RBFOX3: variants seen among roughly 807,000 people sequenced by gnomAD.
RBFOX3 encodes the protein RNA binding fox-1 homolog 3, also known as RNA binding protein fox-1 homolog 3.
In RBFOX3, 17 loss-of-function variants were observed where a neutral mutation model predicts 48.7. The observed-to-expected ratio is 0.35, with a 90% CI of 0.24 to 0.52. The LOEUF is 0.52. RBFOX3 is among the 20% of genes least tolerant of loss of function. The probability of loss-of-function intolerance (pLI) is 0.94; values close to 1 mark genes in which losing one functional copy is unlikely to be tolerated. For missense variants in RBFOX3, 382 were observed against 497.5 expected, an observed-to-expected ratio of 0.77 and a Z score of 2.21; for synonymous variants, 212 against 209.5, an observed-to-expected ratio of 1.01 and a Z score of -0.10.
chr17:79,481,948 A>G lies in RBFOX3; in HGVS notation c.-175+506T>C, dbSNP rs1191463585. Among the ~76,000 whole-genome samples the G allele has an allele frequency of 2.0e-5, 3 of 151,644 alleles. No individual in the cohort carries two copies. The highest frequency in any genetic ancestry group is 7.3e-5 in the African/African-American group (3 of 41,224). On this transcript the variant is annotated intron_variant, in intron 2 of 14. Transcript: ENST00000693108. The surrounding 1 kb of genome is among the most constrained non-coding windows in gnomAD (Gnocchi z 5.4). Reference sequence around the variant, plus strand: ...CCAAACCCTGTGGAGTCTGACGCTGACTCCGGCGGTTAGTGTCAGAGCTGA... The same window carrying G: ...CCAAACCCTGTGGAGTCTGACGCTGGCTCCGGCGGTTAGTGTCAGAGCTGA...
At position 79,304,564 on chromosome 17, in the gene RBFOX3, G is replaced by C. The variant is rs1357089676; in HGVS notation, c.-74+3160C>G. Among the ~76,000 whole-genome samples, 5 of 151,482 alleles carry C rather than the reference G, an allele frequency of 3.3e-5. No individual in the cohort carries two copies. In the South Asian group the frequency reaches 6.2e-4, roughly 19 times the overall value. ...ACACACGCACTGAGGTGTGAGCTGT[G>C]GTTATTTCTGGCAGATTGTTACTTC... is the stretch of plus-strand genomic sequence containing the variant. On this transcript the variant is annotated intron_variant, in intron 3 of 14. Coordinates refer to ENST00000693108, the MANE Select transcript of RBFOX3 (RefSeq NM_001350451.2).
intron 2 of RBFOX3, among the ~76,000 whole-genome samples, chr17:79,394,344 T>C (rs1290159396): frequency 6.6e-6 from 1 of 152,172 alleles, no homozygotes; most frequent in Non-Finnish European, 1.5e-5. Flanking sequence ...AGAGTGACCC[T>C]GAGGCCAGAG....
intron 2 of RBFOX3, among the ~76,000 whole-genome samples, chr17:79,395,358 G>A (rs367758365): frequency 7.2e-5 from 11 of 152,204 alleles, no homozygotes; most frequent in Non-Finnish European, 1.5e-5. Context: ...GCCAACCACC[G>A]CTCAGTGCCG....
chr17:79,263,011 G>A (rs1016675818), intron 3 of RBFOX3, among the ~76,000 whole-genome samples: 4 of 152,200 alleles, frequency 2.6e-5, no homozygotes, highest in Non-Finnish European at 5.9e-5. Flanking sequence ...CCTCCCCCGG[G>A]AGAACTTGCT....
intron 1 of RBFOX3, among the ~76,000 whole-genome samples, chr17:79,536,302 C>T (rs1430173587): frequency 2.8e-4 from 43 of 152,186 alleles, no homozygotes; most frequent in Admixed American, 6.5e-5. Flanking sequence ...GAACTTTTGA[C>T]CTCAAATGAT....
At chr17:79,556,529 G>A (rs891735063) in intron 1 of RBFOX3, among the ~76,000 whole-genome samples, 14 of 152,314 alleles carry the variant, frequency 9.2e-5, no homozygotes, top group African/African-American at 2.9e-4. Flanking sequence ...ACAAATGAGC[G>A]ACAGGAGGAG....
At chr17:79,422,004 G>A (rs1267440856) in intron 2 of RBFOX3, among the ~76,000 whole-genome samples, 1 of 152,146 alleles carries the variant, frequency 6.6e-6, no homozygotes, top group Non-Finnish European at 1.5e-5. Flanking sequence ...CTTGCCGGCT[G>A]CTGGCTTCCA....
At position 79,249,637 on chromosome 17, in the gene RBFOX3, G is replaced by A. The variant is rs1002978950; in HGVS notation, c.-73-13832C>T. On this transcript the variant is annotated intron_variant, in intron 3 of 14. Coordinates refer to ENST00000693108, the MANE Select transcript of RBFOX3 (RefSeq NM_001350451.2). This position sits in a 1 kb window ranked among gnomAD's most constrained non-coding sequence, Gnocchi z 4.1. ...ATCAGATCCAGCCCCATAGCCCAGA[G>A]CTCACTGAAATGATCCAAACCAGCC... is the stretch of plus-strand genomic sequence containing the variant. Among the ~76,000 whole-genome samples, 2 of 152,062 alleles carry A rather than the reference G, an allele frequency of 1.3e-5. No homozygotes were observed. The highest frequency in any genetic ancestry group is 4.8e-5 in the African/African-American group (2 of 41,386).
At chr17:79,556,106 T>C (rs1214015402) in intron 1 of RBFOX3, among the ~76,000 whole-genome samples, 2 of 152,120 alleles carry the variant, frequency 1.3e-5, no homozygotes, top group Non-Finnish European at 2.9e-5. Flanking sequence ...TCCTCCACTT[T>C]ACAGACGGGG....
intron 1 of RBFOX3, among the ~76,000 whole-genome samples, chr17:79,498,189 T>C (rs2081843187): frequency 6.6e-6 from 1 of 152,190 alleles, no homozygotes; most frequent in African/African-American, 2.4e-5. Context: ...AGTTTTGGCC[T>C]TCAGTATGCT....
chr17:79,645,197 A>G, the RBFOX3 span, among the ~76,000 whole-genome samples: 1 of 152,086 alleles, frequency 6.6e-6, no homozygotes, highest in Non-Finnish European at 1.5e-5. Context: ...CCTTTCGCTT[A>G]TTCTTCTTTC....
intron 2 of RBFOX3, among the ~76,000 whole-genome samples, chr17:79,316,432 T>C (rs934200500): frequency 6.6e-6 from 1 of 152,202 alleles, no homozygotes; most frequent in Admixed American, 6.5e-5. Context: ...GCAGCCCTCC[T>C]TGGGCAGGGG....
chr17:79,491,025 CGGAGA>C (rs2080422421), intron 1 of RBFOX3, among the ~76,000 whole-genome samples: 13 of 106,010 alleles, frequency 1.2e-4, no homozygotes, highest in African/African-American at 4.7e-4. Context: ...TGGAGTGAAT[CGGAGA>C]GGAGAGGGGA....
At position 79,326,299 on chromosome 17, in the gene RBFOX3, G is replaced by T. The variant is rs893436844; in HGVS notation, c.-174-18475C>A. On this transcript the variant is annotated intron_variant, in intron 2 of 14. Transcript: ENST00000693108. Reference sequence around the variant, plus strand: ...GCAACTGGTTGAGAAGCTAGGAGGCGCCAGGATGTCCCTCCCTTCTCGCCC... The same window carrying T: ...GCAACTGGTTGAGAAGCTAGGAGGCTCCAGGATGTCCCTCCCTTCTCGCCC... Among the ~76,000 whole-genome samples the T allele has an allele frequency of 5.3e-5, 8 of 152,116 alleles. No homozygotes were observed. The East Asian group carries it at 1.5e-3, about 29-fold the overall frequency.
chr17:79,412,950 C>A (rs118056014), intron 2 of RBFOX3, among the ~76,000 whole-genome samples: 2 of 152,074 alleles, frequency 1.3e-5, no homozygotes, highest in African/African-American at 4.8e-5. Context: ...TGACCCTGAG[C>A]CCCTCTCTGT....
At chr17:79,137,967 AGAAGCCATGT>A (rs1236523983) in intron 4 of RBFOX3, among the ~76,000 whole-genome samples, 1 of 152,174 alleles carries the variant, frequency 6.6e-6, no homozygotes, top group Non-Finnish European at 1.5e-5. Flanking sequence ...CTTCTTCTCT[AGAAGCCATGT>A]GCACATGTGT....
intron 2 of RBFOX3, among the ~76,000 whole-genome samples, chr17:79,440,860 C>A (rs2070757044): frequency 6.6e-6 from 1 of 152,214 alleles, no homozygotes; most frequent in Non-Finnish European, 1.5e-5. Flanking sequence ...GTTTGTCCCT[C>A]AGAGGCCTCC....
At chr17:79,280,848 G>GT (rs2070281057) in intron 3 of RBFOX3, among the ~76,000 whole-genome samples, 1 of 142,346 alleles carries the variant, frequency 7.0e-6, no homozygotes. Context: ...TTGTGGGGGG[G>GT]GGGAGGGGAG....
At chr17:79,274,929 AC>A (rs1239881633) in intron 3 of RBFOX3, among the ~76,000 whole-genome samples, 1 of 143,648 alleles carries the variant, frequency 7.0e-6, no homozygotes, top group African/African-American at 2.6e-5. Context: ...GGTCATTTTC[AC>A]CCCCTCCCCA....
Sources: gnomAD v4.1 joint callset for allele counts (sites outside exome capture counted in the v4.1 genomes callset) on GRCh38, gnomAD v4.1.1 for gene constraint, Gnocchi (gnomAD v3.1) non-coding constraint, MANE v1.5 for transcripts, NCBI Gene and HGNC (gene_info 2026-07-23, HGNC 2026-07-21) for gene names.